TAB2: variants seen among roughly 807,000 people sequenced by gnomAD.
TAB2 encodes the protein TGF-beta activated kinase 1 (MAP3K7) binding protein 2, also known as TGF-beta-activated kinase 1 and MAP3K7-binding protein 2.
A neutral mutation model predicts 65.0 loss-of-function variants in TAB2; 3 were observed. That is an observed-to-expected ratio of 0.05 (90% CI 0.02 to 0.12). TAB2 has a LOEUF of 0.12. TAB2 is among the 10% of genes least tolerant of loss of function. TAB2 has a pLI of 1.00. For missense variants in TAB2, 623 were observed against 840.3 expected (o/e 0.74, Z 3.20); for synonymous variants, 298 against 285.1 (o/e 1.05, Z -0.46).
At chr6:149,373,822 C>G (rs1236872397) in intron 2 of TAB2, among the ~76,000 whole-genome samples, 1 of 152,070 alleles carries the variant, frequency 6.6e-6, no homozygotes, top group Non-Finnish European at 1.5e-5. Flanking sequence ...TAAAAGTAAC[C>G]AGGGCTGCTT....
At chr6:149,275,300 G>GAAAGAAAGAAAAAA (rs1223068467) in intron 1 of TAB2, among the ~76,000 whole-genome samples, 2 of 128,400 alleles carry the variant, frequency 1.6e-5, no homozygotes, top group East Asian at 4.7e-4. Context: ...AAGAAAGAAA[G>GAAAGAAAGAAAAAA]AGAAAAAAGA....
chr6:149,391,289 T>C (rs953218896), intron 3 of TAB2, among the ~76,000 whole-genome samples: 29 of 152,276 alleles, frequency 1.9e-4, no homozygotes, highest in South Asian at 6.2e-4. Context: ...TTTCTTTGTC[T>C]TTAGTAGTCT....
chr6:149,246,742 C>A (rs1445428635), intron 1 of TAB2: 2 of 152,348 alleles, frequency 1.3e-5, no homozygotes, highest in East Asian at 3.8e-4. Flanking sequence ...TCACGGCTCA[C>A]TGCAGCCTCG....
chr6:149,347,649 GT>G (rs1780348117), intron 1 of TAB2, among the ~76,000 whole-genome samples: 1 of 152,098 alleles, frequency 6.6e-6, no homozygotes, highest in African/African-American at 2.4e-5. Context: ...CTTAAATGGA[GT>G]TTAAGTAAAG....
chr6:149,381,694 C>A (rs1023309548), intron 3 of TAB2, among the ~76,000 whole-genome samples: 10 of 151,486 alleles, frequency 6.6e-5, no homozygotes, highest in Non-Finnish European at 1.3e-4. Context: ...CCACTTTAGC[C>A]TCCCTAGTAG....
At chr6:149,314,600 C>T (rs1256752826), upstream of TAB2, among the ~76,000 whole-genome samples, 1 of 152,148 alleles carries the variant, frequency 6.6e-6, no homozygotes, top group African/African-American at 2.4e-5. Context: ...ATCCCTCTTC[C>T]CCTAAGTTTC....
chr6:149,228,253 T>C (rs1336425260), intron 1 of TAB2, among the ~76,000 whole-genome samples: 1 of 152,224 alleles, frequency 6.6e-6, no homozygotes, highest in East Asian at 1.9e-4. Flanking sequence ...ACCATGACCA[T>C]TTGAATTACA....
intron 1 of TAB2, among the ~76,000 whole-genome samples, chr6:149,275,401 T>C (rs1019668797): frequency 2.0e-5 from 3 of 152,116 alleles, no homozygotes; most frequent in Non-Finnish European, 4.4e-5. Flanking sequence ...AGGAACAACT[T>C]GAGCAACAAA....
intron 1 of TAB2, among the ~76,000 whole-genome samples, chr6:149,332,709 A>G (rs1779819403): frequency 6.6e-6 from 1 of 152,208 alleles, no homozygotes; most frequent in South Asian, 2.1e-4. Flanking sequence ...AAACAGCCAG[A>G]GAGATAAATG....
chr6:149,366,407 T>TC (rs989854352), intron 1 of TAB2, among the ~76,000 whole-genome samples: 1 of 152,168 alleles, frequency 6.6e-6, no homozygotes, highest in African/African-American at 2.4e-5. Flanking sequence ...GGGCCTCCTC[T>TC]CTGTGGTTCT....
intron 1 of TAB2, among the ~76,000 whole-genome samples, chr6:149,366,829 G>C (rs1408038621): frequency 2.0e-5 from 3 of 152,072 alleles, no homozygotes; most frequent in African/African-American, 7.2e-5. Context: ...AGGCAAGTAT[G>C]GTGAGAGATT....
chr6:149,283,384 G>A (rs1778611476), intron 1 of TAB2, among the ~76,000 whole-genome samples: 1 of 152,130 alleles, frequency 6.6e-6, no homozygotes, highest in Non-Finnish European at 1.5e-5. Context: ...CACAAAGTAA[G>A]GACAGAGAAT....
rs566097584 is a variant in TAB2 at position 149,354,696 on chromosome 6, A to G, written c.-89-15213A>G. Among the ~76,000 whole-genome samples, 127 of 152,252 alleles carry G rather than the reference A, an allele frequency of 8.3e-4. 1 individual carries two copies. Among genetic ancestry groups the G allele is most frequent in the African/African-American group, 2.7e-3 (111 of 41,550 alleles). ...TAAAAGCGTGTGTGTTCTTGTATGT[A>G]AGAGAATACAGAACACTGTTCTGCA... On this transcript the variant is annotated intron_variant, in intron 1 of 6. Transcript: ENST00000637181.
chr6:149,239,700 C>G (rs1777562086), intron 1 of TAB2, among the ~76,000 whole-genome samples: 1 of 152,210 alleles, frequency 6.6e-6, no homozygotes, highest in African/African-American at 2.4e-5. Flanking sequence ...GAACTTGGCA[C>G]TTGGTTACTT....
chr6:149,383,873 G>A (rs868633442), intron 3 of TAB2, among the ~76,000 whole-genome samples: 2 of 152,048 alleles, frequency 1.3e-5, no homozygotes, highest in Non-Finnish European at 2.9e-5. Context: ...GTGAGCCACC[G>A]CACCTAGCTC....
chr6:149,233,578 G>C (rs1230251750), intron 1 of TAB2, among the ~76,000 whole-genome samples: 2 of 152,034 alleles, frequency 1.3e-5, no homozygotes, highest in Non-Finnish European at 2.9e-5. Flanking sequence ...CCCTAACAAA[G>C]CACTAAGTAA....
intron 1 of TAB2, among the ~76,000 whole-genome samples, chr6:149,233,165 C>A (rs919436465): frequency 5.3e-5 from 8 of 152,172 alleles, no homozygotes; most frequent in African/African-American, 1.9e-4. Flanking sequence ...CCAAGGAAGT[C>A]ATGAATGCCA....
intron 3 of TAB2, among the ~76,000 whole-genome samples, chr6:149,392,103 C>A (rs1043176462): frequency 8.5e-6 from 1 of 117,086 alleles, no homozygotes; most frequent in East Asian, 2.5e-4. Flanking sequence ...TTATGCAGAC[C>A]TTTCACATTC....
chr6:149,286,652 T>C (rs912302768), intron 1 of TAB2, among the ~76,000 whole-genome samples: 1 of 152,188 alleles, frequency 6.6e-6, no homozygotes, highest in Admixed American at 6.5e-5. Flanking sequence ...ATCACTGCAT[T>C]ATCTATAATA....
Sources: gnomAD v4.1 joint callset for allele counts (sites outside exome capture counted in the v4.1 genomes callset) on GRCh38, gnomAD v4.1.1 for gene constraint, MANE v1.5 for transcripts, NCBI Gene and HGNC (gene_info 2026-07-23, HGNC 2026-07-21) for gene names.